The following APOD variants were observed in gnomAD, a reference collection of about 807,000 sequenced individuals.
APOD encodes the protein apo-D.
A neutral mutation model predicts 20.4 loss-of-function variants in APOD; 22 were observed. The ratio of observed to expected loss-of-function variants is 1.08; its 90% CI spans 0.77 to 1.54. The LOEUF (loss-of-function observed/expected upper bound fraction) is 1.54. APOD is among the 40% of genes most tolerant of loss of function. The probability of loss-of-function intolerance (pLI) is 0.00; values close to 1 mark genes in which losing one functional copy is unlikely to be tolerated. For synonymous variants in APOD, 97 were observed against 92.4 expected (o/e 1.05, Z -0.29); for missense variants, 223 against 229.6 (o/e 0.97, Z 0.19).
In APOD at chr3:195,583,877, C is replaced by G. The variant is rs111731027; in HGVS notation, c.-35+1G>C. 1 of 152,244 alleles carries G rather than the reference C, an allele frequency of 6.6e-6. No individual in the cohort carries two copies. Among genetic ancestry groups the G allele is most frequent in the East Asian group, 1.9e-4 (1 of 5,184 alleles). The allele number at this position is 152,244 out of a possible 1,614,324, so 9.4% of individuals were successfully genotyped here. A position where few individuals can be genotyped will look rare whatever the true frequency, so the allele number is the denominator to read the frequency against. On this transcript the variant is annotated splice_donor_variant, in intron 1 of 4. Transcript: ENST00000343267. LOFTEE classifies it low-confidence loss of function (5UTR_SPLICE). ...GAAAAGCTTAAAACTACAGTACATA[C>G]CTTTTCTTTCAAGATGAAGGCAGTT...
chr3:195,581,883 C>T (rs1189167246), intron 1 of APOD, among the ~76,000 whole-genome samples: 1 of 152,208 alleles, frequency 6.6e-6, no homozygotes, highest in East Asian at 1.9e-4. Context: ...GTGGTTAAAA[C>T]TCCTTGTGAT....
chr3:195,571,066 G>A, intron 4 of APOD: 1 of 590,098 alleles, frequency 1.7e-6, no homozygotes. Flanking sequence ...TCCACACTGG[G>A]ATGTGAGCTC....
At chr3:195,581,307 C>T (rs1169877480) in intron 1 of APOD, among the ~76,000 whole-genome samples, 1 of 152,122 alleles carries the variant, frequency 6.6e-6, no homozygotes, top group African/African-American at 2.4e-5. Context: ...ATCGGCTCCA[C>T]CACTGTATAA....
intron 1 of APOD, among the ~76,000 whole-genome samples, chr3:195,580,470 T>G (rs1040313776): frequency 1.3e-5 from 2 of 151,666 alleles, no homozygotes; most frequent in African/African-American, 4.8e-5. Context: ...AGTGGCACAA[T>G]CTCGGCTCAC....
intron 3 of APOD, among the ~76,000 whole-genome samples, chr3:195,572,644 A>G (rs1288354430): frequency 6.6e-6 from 1 of 152,136 alleles, no homozygotes; most frequent in Non-Finnish European, 1.5e-5. Flanking sequence ...AACAGAGGAG[A>G]GGATGTCTGT....
intron 4 of APOD, among the ~76,000 whole-genome samples, chr3:195,570,077 C>T (rs1035578475): frequency 4.6e-5 from 7 of 152,270 alleles, no homozygotes; most frequent in African/African-American, 9.6e-5. Flanking sequence ...TTCCAGTTCC[C>T]TTCACTTGGA....
chr3:195,571,577 A>G (rs1270899291), intron 3 of APOD, among the ~76,000 whole-genome samples: 1 of 152,088 alleles, frequency 6.6e-6, no homozygotes, highest in Non-Finnish European at 1.5e-5. Context: ...TCTGAGGCCA[A>G]GCAGGGGAAG....
chr3:195,574,323 T>C (rs1568565), intron 2 of APOD, among the ~76,000 whole-genome samples: 61,730 of 152,170 alleles, frequency 0.41, 13,057 homozygotes, highest in East Asian at 0.53. Flanking sequence ...AAGTCAGATG[T>C]GTTCGCTGTG....
chr3:195,578,204 G>T (rs1720277399), intron 2 of APOD, among the ~76,000 whole-genome samples: 1 of 152,044 alleles, frequency 6.6e-6, no homozygotes. Context: ...AGATTCCTTG[G>T]ATGTTTTCTT....
chr3:195,580,344 CTTTTCT>C (rs1720313149), intron 1 of APOD, among the ~76,000 whole-genome samples: 1 of 138,204 alleles, frequency 7.2e-6, no homozygotes, highest in Admixed American at 7.3e-5. Context: ...TTTCTTCTTT[CTTTTCT>C]TTTCTTCTTT....
chr3:195,577,247 A>G (rs1720263832), intron 2 of APOD: 1 of 298,866 alleles, frequency 3.3e-6, no homozygotes, highest in African/African-American at 2.3e-5. Context: ...CATCAAAAGA[A>G]TAAAATATTT....
chr3:195,570,284 C>T (rs1720138183), intron 4 of APOD, among the ~76,000 whole-genome samples: 1 of 152,156 alleles, frequency 6.6e-6, no homozygotes, highest in African/African-American at 2.4e-5. Context: ...CTGCGTCACT[C>T]AGCCCACCTG....
chr3:195,576,411 C>T (rs1029556194), intron 2 of APOD, among the ~76,000 whole-genome samples: 1 of 152,184 alleles, frequency 6.6e-6, no homozygotes, highest in African/African-American at 2.4e-5. Flanking sequence ...TTGCAGATGA[C>T]ATATAAAATA....
In APOD at chr3:195,568,965, A is replaced by G; in HGVS notation, c.505T>C (p.Ser169Pro). ...TVDSLKNILT[S>P]NNIDVKKMTV... is the part of the protein sequence containing the mutation. The stretch of plus-strand genomic sequence containing the variant: ...ATTTTCTTGACATCAATGTTATTAG[A>G]AGTCAGGATATTTTTTAGAGAGTCC... The change falls in exon 5 of 5, where the codon TCT (serine) becomes CCT (proline). Residue 169 changes from serine (S) to proline (P), a missense_variant. Coordinates refer to ENST00000343267, the MANE Select transcript of APOD (RefSeq NM_001647.4). 1 of 1,614,094 alleles carries G rather than the reference A, an allele frequency of 6.2e-7. No individual in the cohort carries two copies. The highest frequency in any genetic ancestry group is 1.1e-5 in the South Asian group (1 of 91,070).
rs1021351813 is a variant in APOD at position 195,583,883 on chromosome 3, C to A, written c.-40G>T. ...CTTAAAACTACAGTACATACCTTTT[C>A]TTTCAAGATGAAGGCAGTTTCCAGA... On this transcript the variant is annotated 5_prime_UTR_variant, in exon 1 of 5. Transcript: ENST00000343267. 2.6e-5 allele frequency: 4 copies of A among 152,186 alleles called. No homozygotes were observed. Among genetic ancestry groups the A allele is most frequent in the Non-Finnish European group, 5.9e-5 (4 of 68,032 alleles). The allele number at this position is 152,186 out of a possible 1,614,324, so 9.4% of individuals were successfully genotyped here.
intron 2 of APOD, among the ~76,000 whole-genome samples, chr3:195,578,350 C>T (rs1347990158): frequency 6.6e-6 from 1 of 152,152 alleles, no homozygotes; most frequent in Admixed American, 6.5e-5. Flanking sequence ...ATGGATGGTG[C>T]TCCTTCTCCC....
At chr3:195,569,724 A>C (rs1216614854) in intron 4 of APOD, among the ~76,000 whole-genome samples, 1 of 140,764 alleles carries the variant, frequency 7.1e-6, no homozygotes, top group Non-Finnish European at 1.5e-5. Flanking sequence ...TCCTAACCTC[A>C]TGCCCCTCTT....
intron 2 of APOD, among the ~76,000 whole-genome samples, chr3:195,575,138 A>T (rs1053312589): frequency 6.6e-6 from 1 of 152,186 alleles, no homozygotes; most frequent in Non-Finnish European, 1.5e-5. Context: ...GGCCGCCTAC[A>T]TTCCTTGGCT....
intron 1 of APOD, among the ~76,000 whole-genome samples, chr3:195,583,631 G>A (rs988669303): frequency 5.3e-5 from 8 of 152,180 alleles, no homozygotes; most frequent in African/African-American, 1.7e-4. Flanking sequence ...TTCACACTGG[G>A]TTTGGTTTTA....
Sources: allele counts gnomAD v4.1 joint callset (sites outside exome capture counted in the v4.1 genomes callset), GRCh38; gene constraint gnomAD v4.1.1; transcripts MANE v1.5; gene names NCBI Gene and HGNC (gene_info 2026-07-23, HGNC 2026-07-21).